SLC5A10: variants seen among roughly 807,000 people sequenced by gnomAD.
SLC5A10 encodes sodium/mannose cotransporter SLC5A10.
In SLC5A10, 55 loss-of-function variants were observed where a neutral mutation model predicts 68.9. The observed-to-expected ratio is 0.80, with a 90% confidence interval of 0.64 to 1.00. The LOEUF (loss-of-function observed/expected upper bound fraction) is 1.00, where lower values mean the gene tolerates loss of function less well. Among genes scored for constraint, SLC5A10 ranks in the 50% least tolerant of loss-of-function variants. The probability of loss-of-function intolerance (pLI) is 0.00; values close to 1 mark genes in which losing one functional copy is unlikely to be tolerated. For synonymous variants in SLC5A10, 344 were observed against 344.8 expected (o/e 1.00, Z 0.02); for missense variants, 732 against 819.3 (o/e 0.89, Z 1.30).
At chr17:19,005,859 C>A (rs1057174016) in intron 9 of SLC5A10, among the ~76,000 whole-genome samples, 1 of 152,230 alleles carries the variant, frequency 6.6e-6, no homozygotes, top group Non-Finnish European at 1.5e-5. Flanking sequence ...AACAGGCACA[C>A]ATATTTGCAT....
At chr17:18,998,431 C>A (rs954252858) in intron 9 of SLC5A10, among the ~76,000 whole-genome samples, 2 of 152,254 alleles carry the variant, frequency 1.3e-5, no homozygotes, top group Non-Finnish European at 2.9e-5. Flanking sequence ...CCAGGGAGAC[C>A]CAATCCAGGT....
chr17:18,952,101 C>T (rs1437618060), upstream of SLC5A10: 5 of 1,484,418 alleles, frequency 3.4e-6, no homozygotes, highest in Non-Finnish European at 4.5e-6. Context: ...ATGCCACTGT[C>T]CGCTTGGTTT....
rs770101960 is a variant in SLC5A10 at position 19,003,976 on chromosome 17, C to T, written c.983-9434C>T. ...GCTCCTCGCTGTAGAAGAACTCAGG[C>T]TTGGACTCGCTGGAGCGCCAGTTCA... On this transcript the variant is annotated intron_variant, in intron 9 of 14. Coordinates refer to ENST00000395645, the MANE Select transcript of SLC5A10 (RefSeq NM_001042450.4). This position sits in a 1 kb window ranked among gnomAD's most constrained non-coding sequence, Gnocchi z 4.5. 1.9e-6 allele frequency: 3 copies of T among 1,612,458 alleles called. No homozygotes were observed. The African/African-American group carries it at 4.0e-5, about 22-fold the overall frequency.
rs376972051 is a variant in SLC5A10 at position 18,977,623 on chromosome 17, C to A, written c.982+634C>A. The A allele has an allele frequency of 2.1e-5, 33 of 1,609,566 alleles. No individual in the cohort carries two copies. The African/African-American group carries it at 4.3e-4, about 21-fold the overall frequency. ...CTGTGGAGCGCTGGGCCTGCATCCT[C>A]TTCAACGCATCTGCTTCTTCTCTTC... On this transcript the variant is annotated intron_variant, in intron 9 of 14. Transcript: ENST00000395645.
At chr17:18,973,241 C>T (rs925467992) in intron 8 of SLC5A10, among the ~76,000 whole-genome samples, 2 of 152,264 alleles carry the variant, frequency 1.3e-5, no homozygotes, top group Non-Finnish European at 2.9e-5. Context: ...GCACGGTCTT[C>T]TCTGGGTGGA....
At chr17:19,006,070 C>G (rs1488526197) in intron 9 of SLC5A10, among the ~76,000 whole-genome samples, 2 of 152,190 alleles carry the variant, frequency 1.3e-5, no homozygotes, top group African/African-American at 2.4e-5. Context: ...AGGCCTCACT[C>G]CCACCTCCAC....
intron 5 of SLC5A10, among the ~76,000 whole-genome samples, chr17:18,966,813 G>A (rs1220222727): frequency 6.6e-6 from 1 of 151,954 alleles, no homozygotes; most frequent in Admixed American, 6.6e-5. Flanking sequence ...GAGGCACAGA[G>A]GAGAGCTGGC....
intron 9 of SLC5A10, chr17:18,979,663 A>C (rs901725235): frequency 1.2e-6 from 2 of 1,613,338 alleles, no homozygotes; most frequent in Non-Finnish European, 1.7e-6. Flanking sequence ...GCTGCTCCGC[A>C]CTCTGAGATT....
intron 1 of SLC5A10, among the ~76,000 whole-genome samples, chr17:18,955,357 A>G (rs1467635302): frequency 6.6e-6 from 1 of 152,202 alleles, no homozygotes; most frequent in Non-Finnish European, 1.5e-5. Flanking sequence ...TTCATCTCTG[A>G]GACCATCAGT....
Position 19,015,129 on chromosome 17 carries a change from C to G in SLC5A10, c.1171C>G (p.Leu391Val), listed in dbSNP as rs143404254. ...CTCCATCTTCAACAGCAGCAGCACC[C>G]TCTTCACTATGGACATCTGGAGGCG... ...LTSIFNSSST[L>V]FTMDIWRRLR... Residue 391 changes from leucine (L) to valine (V), a missense_variant, in exon 11 of 15, where the codon CTC (leucine) becomes GTC (valine). By Grantham distance (32) the Leu-to-Val change is conservative. Transcript: ENST00000395645. 4.1e-5 allele frequency: 62 copies of G among 1,524,708 alleles called. No homozygotes were observed. Among genetic ancestry groups the G allele is most frequent in the Non-Finnish European group, 5.6e-5 (62 of 1,114,590 alleles). 94.4% of individuals were successfully genotyped at this position (1,524,708 alleles called of 1,614,324 possible). A position where few individuals can be genotyped will look rare whatever the true frequency, so the allele number is the denominator to read the frequency against.
rs969896084 is a variant in SLC5A10, at chr17:19,003,780, G to C, written c.983-9630G>C. The C allele has an allele frequency of 7.4e-6, 12 of 1,611,384 alleles. No homozygotes were observed. The African/African-American group carries it at 1.2e-4, about 16-fold the overall frequency. On this transcript the variant is annotated intron_variant, in intron 9 of 14. Coordinates refer to ENST00000395645, the MANE Select transcript of SLC5A10 (RefSeq NM_001042450.4). This position sits in a 1 kb window ranked among gnomAD's most constrained non-coding sequence, Gnocchi z 4.5. ...CCGACCCCATTGTCCTCGGGCCCCT[G>C]AGAGGGGCCCGTGCCCCGAGGGTCC...
rs773102593 is a variant in SLC5A10 at position 19,013,455 on chromosome 17, G to A, written c.1028G>A (p.Gly343Glu). 3 of 1,605,470 alleles carry A rather than the reference G, an allele frequency of 1.9e-6. No homozygotes were observed. Among genetic ancestry groups the A allele is most frequent in the Non-Finnish European group, 2.6e-6 (3 of 1,175,872 alleles). The change falls in exon 10 of 15, where the codon GGG (glycine) becomes GAG (glutamate). Residue 343 changes from glycine (G) to glutamate (E), a missense_variant. Gly to Glu is a moderately conservative substitution (Grantham distance 98, BLOSUM62 -2). Transcript: ENST00000395645. ...VVPSECLRACGAEVGCSNIAY... is the reference protein window; with the variant it reads ...VVPSECLRACEAEVGCSNIAY... ...CCGTCCGAGTGCCTGCGGGCCTGCG[G>A]GGCCGAGGTCGGCTGCTCCAACATC...
chr17:18,990,727 G>A (rs1268347417), intron 9 of SLC5A10, among the ~76,000 whole-genome samples: 6 of 152,246 alleles, frequency 3.9e-5, no homozygotes, highest in Non-Finnish European at 8.8e-5. Context: ...ATTGGGTTCA[G>A]TGCCTAGGGT....
chr17:18,976,600 C>T (rs939239900), intron 8 of SLC5A10: 14 of 485,470 alleles, frequency 2.9e-5, no homozygotes, highest in African/African-American at 2.5e-4. Flanking sequence ...TCCACACCTC[C>T]CCTATTGACA....
In SLC5A10 at chr17:19,017,520, C is replaced by A; in HGVS notation, c.1242-1903C>A. 1 of 858,408 alleles carries A rather than the reference C, an allele frequency of 1.2e-6. No individual in the cohort carries two copies. Among genetic ancestry groups the A allele is most frequent in the Non-Finnish European group, 1.8e-6 (1 of 544,836 alleles). 53.2% of individuals were successfully genotyped at this position (858,408 alleles called of 1,614,324 possible). On this transcript the variant is annotated intron_variant, in intron 11 of 14. Coordinates refer to ENST00000395645, the MANE Select transcript of SLC5A10 (RefSeq NM_001042450.4). This position sits in a 1 kb window ranked among gnomAD's most constrained non-coding sequence, Gnocchi z 5.6. ...CCGGGTGCAGTACCATGCCGGTGAC[C>A]CTGATGGCTCTGTCCAGCTGAGCAG...
At chr17:19,002,505 C>A (rs1396012944) in intron 9 of SLC5A10, among the ~76,000 whole-genome samples, 2 of 152,236 alleles carry the variant, frequency 1.3e-5, no homozygotes, top group Non-Finnish European at 2.9e-5. Context: ...GGCTGCCCTG[C>A]TCTGGGACTG....
At chr17:18,982,041 A>C (rs1468257607) in intron 9 of SLC5A10, among the ~76,000 whole-genome samples, 1 of 152,204 alleles carries the variant, frequency 6.6e-6, no homozygotes, top group Non-Finnish European at 1.5e-5. Context: ...CCTTCTGGAC[A>C]GTGTCTGTCC....
Position 18,971,733 on chromosome 17 carries a change from G to T in SLC5A10, c.846+515G>T. On this transcript the variant is annotated intron_variant, in intron 8 of 14. Transcript: ENST00000395645. The surrounding 1 kb of genome is among the most constrained non-coding windows in gnomAD (Gnocchi z 5.5). ...GTCCCTGAGGCAGGGACCCTGTGATGATGAAACTGCTGGCCCTGGGAGAGA... is the reference window on the plus strand; with the variant it reads ...GTCCCTGAGGCAGGGACCCTGTGATTATGAAACTGCTGGCCCTGGGAGAGA... 1 of 1,571,400 alleles carries T rather than the reference G, an allele frequency of 6.4e-7. No individual in the cohort carries two copies. The highest frequency in any genetic ancestry group is 1.2e-5 in the South Asian group (1 of 85,254).
chr17:19,014,252 G>A (rs1196725910), intron 10 of SLC5A10, among the ~76,000 whole-genome samples: 1 of 152,146 alleles, frequency 6.6e-6, no homozygotes, highest in Non-Finnish European at 1.5e-5. Flanking sequence ...GAGGGGAGGC[G>A]ACCAGCCTGA....
Sources: allele counts gnomAD v4.1 joint callset (sites outside exome capture counted in the v4.1 genomes callset), GRCh38; gene constraint gnomAD v4.1.1; non-coding constraint Gnocchi (gnomAD v3.1); transcripts MANE v1.5; gene names NCBI Gene and HGNC (gene_info 2026-07-23, HGNC 2026-07-21).